The following CNTN1 variants were observed in gnomAD, a reference collection of about 807,000 sequenced individuals.
CNTN1 encodes contactin-1.
CNTN1 carries 38 observed loss-of-function variants against 126.4 expected under a neutral mutation model. The ratio of observed to expected loss-of-function variants is 0.30; its 90% CI spans 0.23 to 0.39. The LOEUF (loss-of-function observed/expected upper bound fraction) is 0.39, where lower values mean the gene tolerates loss of function less well. Among genes scored for constraint, CNTN1 ranks in the 10% least tolerant of loss-of-function variants. The pLI, the probability that CNTN1 is intolerant of heterozygous loss-of-function variation, is 1.00. For synonymous variants in CNTN1, 413 were observed against 422.6 expected, an observed-to-expected ratio of 0.98 and a Z score of 0.28; for missense variants, 1,009 against 1,248.4, an observed-to-expected ratio of 0.81 and a Z score of 2.89.
chr12:40,981,329 TCTTA>T (rs1947814170), intron 16 of CNTN1, among the ~76,000 whole-genome samples: 1 of 152,148 alleles, frequency 6.6e-6, no homozygotes, highest in African/African-American at 2.4e-5. Context: ...CTCCTGGGTT[TCTTA>T]CTTGAGTTTT....
chr12:40,852,866 CAAG>C (rs752095777), intron 1 of CNTN1, among the ~76,000 whole-genome samples: 193 of 149,686 alleles, frequency 1.3e-3, no homozygotes, highest in Admixed American at 2.2e-3. Flanking sequence ...TCAGTTTTTT[CAAG>C]AAATAATCCT....
intron 23 of CNTN1, among the ~76,000 whole-genome samples, chr12:41,066,091 GCCATTAATAGA>G (rs1950044388): frequency 6.6e-6 from 1 of 152,160 alleles, no homozygotes; most frequent in South Asian, 2.1e-4. Flanking sequence ...TATGGCCAGG[GCCATTAATAGA>G]CCTCGGAAGA....
At chr12:40,801,009 A>AG (rs1365261135) in intron 1 of CNTN1, among the ~76,000 whole-genome samples, 10 of 103,580 alleles carry the variant, frequency 9.7e-5, no homozygotes, top group African/African-American at 4.6e-4. Context: ...GTCAAACTAG[A>AG]GTTTTGTTTT....
intron 1 of CNTN1, among the ~76,000 whole-genome samples, chr12:40,702,040 G>A (rs191969884): frequency 6.6e-6 from 1 of 151,944 alleles, no homozygotes; most frequent in Non-Finnish European, 1.5e-5. Context: ...CTGTAGAATA[G>A]TTTTGTCTGT....
At chr12:41,000,416 G>A (rs1019222206) in intron 17 of CNTN1, among the ~76,000 whole-genome samples, 3 of 152,046 alleles carry the variant, frequency 2.0e-5, no homozygotes, top group African/African-American at 7.2e-5. Context: ...TTCAGAATAT[G>A]AGTTATAGGG....
chr12:40,949,406 G>A (rs1054135532), intron 14 of CNTN1, among the ~76,000 whole-genome samples: 49 of 147,230 alleles, frequency 3.3e-4, no homozygotes, highest in East Asian at 4.0e-4. Flanking sequence ...TATATCTCCC[G>A]ATGCTATCCC....
chr12:40,924,114 C>G (rs745414635), intron 5 of CNTN1, among the ~76,000 whole-genome samples: 1 of 152,126 alleles, frequency 6.6e-6, no homozygotes, highest in Non-Finnish European at 1.5e-5. Context: ...CACCCTTATT[C>G]CTTCCCGATA....
At chr12:40,741,102 G>GAAGT (rs1937926775) in intron 1 of CNTN1, among the ~76,000 whole-genome samples, 2 of 152,140 alleles carry the variant, frequency 1.3e-5, no homozygotes, top group South Asian at 4.1e-4. Context: ...GTTAGTAAAT[G>GAAGT]AAGTGACCTA....
At chr12:40,823,379 C>G (rs553034365) in intron 1 of CNTN1, among the ~76,000 whole-genome samples, 1 of 152,100 alleles carries the variant, frequency 6.6e-6, no homozygotes, top group South Asian at 2.1e-4. Flanking sequence ...CATTGGTTCA[C>G]GGTTGTATGA....
At chr12:40,780,919 CT>C (rs35794121) in intron 1 of CNTN1, among the ~76,000 whole-genome samples, 74,498 of 147,224 alleles carry the variant, frequency 0.51, 19,586 homozygotes, top group East Asian at 0.66. Flanking sequence ...TGATGGAAAT[CT>C]TTTTTTTTTT....
chr12:40,777,251 T>A (rs76745662), intron 1 of CNTN1, among the ~76,000 whole-genome samples: 1 of 151,336 alleles, frequency 6.6e-6, no homozygotes, highest in Non-Finnish European at 1.5e-5. Flanking sequence ...TTTTTTTTTT[T>A]AATTCTCTAT....
chr12:41,066,635 G>A (rs1031033041), intron 23 of CNTN1, among the ~76,000 whole-genome samples: 1 of 152,148 alleles, frequency 6.6e-6, no homozygotes, highest in African/African-American at 2.4e-5. Flanking sequence ...TCAGCAATAG[G>A]CAAGCAGTAG....
intron 1 of CNTN1, among the ~76,000 whole-genome samples, chr12:40,812,254 T>C (rs1469028880): frequency 6.6e-6 from 1 of 152,138 alleles, no homozygotes; most frequent in Non-Finnish European, 1.5e-5. Flanking sequence ...CTTAATATGA[T>C]TTCAAGCTTC....
intron 1 of CNTN1, among the ~76,000 whole-genome samples, 157 bp downstream of exon 1, chr12:40,692,749 G>C (rs529343769): frequency 6.6e-6 from 1 of 152,250 alleles, no homozygotes; most frequent in South Asian, 2.1e-4. Flanking sequence ...GGACTGGGGC[G>C]GAGGTGGCTG....
intron 3 of CNTN1, among the ~76,000 whole-genome samples, chr12:40,911,143 C>T (rs911599784): frequency 9.9e-5 from 15 of 151,838 alleles, no homozygotes; most frequent in African/African-American, 3.1e-4. Flanking sequence ...TGCAGCGGCG[C>T]GATCTCGGCT....
intron 15 of CNTN1, among the ~76,000 whole-genome samples, chr12:40,968,735 AG>A (rs1357613898): frequency 1.3e-5 from 2 of 152,184 alleles, no homozygotes; most frequent in African/African-American, 4.8e-5. Flanking sequence ...AGTTTAAAAA[AG>A]AAAAAAAATA....
chr12:40,812,222 C>T (rs1044886071), intron 1 of CNTN1, among the ~76,000 whole-genome samples: 3 of 151,930 alleles, frequency 2.0e-5, no homozygotes, highest in Non-Finnish European at 4.4e-5. Context: ...TTATTGACTT[C>T]TAGATTTGAT....
At chr12:40,945,384 GA>G (rs1280295515) in intron 14 of CNTN1, among the ~76,000 whole-genome samples, 4 of 151,842 alleles carry the variant, frequency 2.6e-5, no homozygotes, top group Non-Finnish European at 5.9e-5. Flanking sequence ...CATTTTAAAG[GA>G]AAAAAGTAAG....
chr12:40,896,445 C>G (rs1056058798), intron 1 of CNTN1, among the ~76,000 whole-genome samples: 1 of 152,106 alleles, frequency 6.6e-6, no homozygotes, highest in Non-Finnish European at 1.5e-5. Flanking sequence ...TTGCCTAAAT[C>G]CACTGAGCCA....
Sources: allele counts gnomAD v4.1 joint callset (sites outside exome capture counted in the v4.1 genomes callset), GRCh38; gene constraint gnomAD v4.1.1; transcripts MANE v1.5; gene names NCBI Gene and HGNC (gene_info 2026-07-23, HGNC 2026-07-21).